The following RIMS2 variants were observed in gnomAD, a reference collection of about 807,000 sequenced individuals.
The protein encoded by RIMS2 is regulating synaptic membrane exocytosis 2.
Under a neutral mutation model 174.4 loss-of-function variants are expected in RIMS2, and 59 were observed. That is an observed-to-expected ratio of 0.34 (90% confidence interval 0.27 to 0.42). RIMS2 has a LOEUF of 0.42. RIMS2 is among the 10% of genes least tolerant of loss of function. The pLI is 1.00. For synonymous variants in RIMS2, 606 were observed against 572.5 expected (o/e 1.06, Z -0.84); for missense variants, 1,620 against 1,666.3 (o/e 0.97, Z 0.48).
chr8:103,850,638 C>T (rs2098992733), intron 3 of RIMS2, among the ~76,000 whole-genome samples: 1 of 151,906 alleles, frequency 6.6e-6, no homozygotes, highest in African/African-American at 2.4e-5. Context: ...TTGTGGCCAC[C>T]TATTCTTTTT....
At chr8:103,683,292 A>C (rs1333555362) in intron 1 of RIMS2, among the ~76,000 whole-genome samples, 1 of 152,200 alleles carries the variant, frequency 6.6e-6, no homozygotes, top group Non-Finnish European at 1.5e-5. Context: ...GCGAGTGGGC[A>C]GGTGTGAAGA....
At chr8:104,207,604 G>A (rs1003430457) in intron 19 of RIMS2, among the ~76,000 whole-genome samples, 8 of 151,836 alleles carry the variant, frequency 5.3e-5, no homozygotes, top group Non-Finnish European at 7.4e-5. Flanking sequence ...TCAGGAGTTC[G>A]AGACCAGCCT....
At chr8:103,757,935 A>C (rs1447477812) in intron 2 of RIMS2, among the ~76,000 whole-genome samples, 1 of 152,228 alleles carries the variant, frequency 6.6e-6, no homozygotes, top group African/African-American at 2.4e-5. Context: ...CTGAAGGATC[A>C]TGGCCCTGTT....
At chr8:103,701,237 G>A (rs946080581) in intron 2 of RIMS2, among the ~76,000 whole-genome samples, 47 of 151,756 alleles carry the variant, frequency 3.1e-4, no homozygotes, top group African/African-American at 1.1e-3. Context: ...TGCTGATTGT[G>A]GAATTCTTGG....
chr8:103,817,640 C>T (rs547769294), intron 3 of RIMS2, among the ~76,000 whole-genome samples: 1 of 152,120 alleles, frequency 6.6e-6, no homozygotes, highest in African/African-American at 2.4e-5. Context: ...ATTAGCTGGG[C>T]GTGGTGGCAC....
chr8:103,913,819 C>T (rs1003061599), intron 6 of RIMS2, among the ~76,000 whole-genome samples: 4 of 152,216 alleles, frequency 2.6e-5, no homozygotes, highest in African/African-American at 9.6e-5. Context: ...CTCACTATCA[C>T]AAAGACAGCA....
At chr8:103,610,282 A>T (rs537922609) in intron 1 of RIMS2, among the ~76,000 whole-genome samples, 5 of 152,150 alleles carry the variant, frequency 3.3e-5, no homozygotes, top group Admixed American at 2.0e-4. Context: ...TGCAAAGGGG[A>T]TAGTTTGACT....
intron 19 of RIMS2, among the ~76,000 whole-genome samples, chr8:104,225,905 T>C (rs1446479509): frequency 1.3e-5 from 2 of 152,230 alleles, no homozygotes; most frequent in Non-Finnish European, 2.9e-5. Context: ...ATCTTAACTT[T>C]TTTCTTTGAT....
intron 19 of RIMS2, chr8:104,094,488 A>C (rs2097720382): frequency 1.5e-6 from 1 of 671,772 alleles, no homozygotes; most frequent in Admixed American, 2.2e-5. Context: ...ACCAAAGGGA[A>C]TAGAAGAGGG....
At chr8:104,023,418 C>G (rs1050295526) in intron 19 of RIMS2, among the ~76,000 whole-genome samples, 1 of 151,828 alleles carries the variant, frequency 6.6e-6, no homozygotes, top group Non-Finnish European at 1.5e-5. Flanking sequence ...TGGCTTAGAC[C>G]AGCATGATAG....
chr8:103,966,489 A>G (rs2091861682), intron 15 of RIMS2, among the ~76,000 whole-genome samples: 2 of 152,084 alleles, frequency 1.3e-5, no homozygotes, highest in South Asian at 2.1e-4. Flanking sequence ...CATTTCTGAT[A>G]TTAGTAATTT....
At chr8:104,147,790 T>G (rs1404481536) in intron 19 of RIMS2, among the ~76,000 whole-genome samples, 1 of 152,194 alleles carries the variant, frequency 6.6e-6, no homozygotes, top group East Asian at 1.9e-4. Flanking sequence ...CTAATCTACC[T>G]CTACCATACC....
chr8:104,178,300 C>G (rs1229214279), intron 19 of RIMS2, among the ~76,000 whole-genome samples: 1 of 152,120 alleles, frequency 6.6e-6, no homozygotes, highest in Admixed American at 6.5e-5. Flanking sequence ...CATCTCCTTG[C>G]TGCCTGTAAG....
At position 103,815,834 on chromosome 8, in the gene RIMS2, T is replaced by C. The variant is rs181992555; in HGVS notation, c.698+49297T>C. ...TTACTTCCAAACACTGTATACTTTA[T>C]AATTTATAAAATGCATTGGTACACA... On this transcript the variant is annotated intron_variant, in intron 3 of 23. Coordinates refer to ENST00000504942, the Ensembl canonical transcript of RIMS2. 7.2e-5 allele frequency among the ~76,000 whole-genome samples: 11 copies of C among 152,358 alleles called. No individual in the cohort carries two copies. The East Asian group carries it at 1.7e-3, about 24-fold the overall frequency.
chr8:104,050,343 G>T (rs1597770051), intron 19 of RIMS2, among the ~76,000 whole-genome samples: 1 of 152,050 alleles, frequency 6.6e-6, no homozygotes. Flanking sequence ...AGAGAAAGTA[G>T]TCCCTAAAAC....
chr8:103,958,150 C>A (rs138724103), intron 14 of RIMS2, among the ~76,000 whole-genome samples: 6 of 152,230 alleles, frequency 3.9e-5, no homozygotes, highest in African/African-American at 7.2e-5. Flanking sequence ...ATGGAATTAA[C>A]CTAGATGCCC....
intron 15 of RIMS2, among the ~76,000 whole-genome samples, chr8:103,971,931 C>G (rs1027886712): frequency 4.9e-4 from 74 of 152,202 alleles, no homozygotes; most frequent in African/African-American, 1.7e-3. Context: ...TTAATTTTTG[C>G]TCTTTTTTTG....
chr8:103,792,420 G>C (rs535269816), intron 3 of RIMS2, among the ~76,000 whole-genome samples: 1,666 of 152,066 alleles, frequency 0.011, 43 homozygotes, highest in African/African-American at 0.038. Context: ...ACACTTAAAA[G>C]AGTGTGTAGA....
intron 15 of RIMS2, among the ~76,000 whole-genome samples, chr8:103,974,958 T>C (rs1021395852): frequency 2.6e-5 from 4 of 152,258 alleles, no homozygotes; most frequent in Non-Finnish European, 5.9e-5. Flanking sequence ...GGAGTTTTTA[T>C]GAGCTTAATA....
Sources: gnomAD v4.1 joint callset for allele counts (sites outside exome capture counted in the v4.1 genomes callset) on GRCh38, gnomAD v4.1.1 for gene constraint, MANE v1.5 for transcripts, NCBI Gene and HGNC (gene_info 2026-07-23, HGNC 2026-07-21) for gene names.